The following GABRR1 variants were observed in gnomAD, a reference collection of about 807,000 sequenced individuals.
GABRR1 encodes the protein gamma-aminobutyric acid receptor subunit rho-1.
In GABRR1, 59 loss-of-function variants were observed where a neutral mutation model predicts 55.5. The ratio of observed to expected loss-of-function variants is 1.06; its 90% CI spans 0.86 to 1.32. The LOEUF is 1.32. Among genes scored for constraint, GABRR1 ranks in the 40% most tolerant of loss-of-function variants. GABRR1 has a pLI of 0.00. For missense variants in GABRR1, 602 were observed against 619.1 expected (o/e 0.97, Z 0.29); for synonymous variants, 213 against 226.0 (o/e 0.94, Z 0.51).
At chr6:89,188,873 TC>T (rs775768158) in intron 6 of GABRR1, among the ~76,000 whole-genome samples, 2 of 152,132 alleles carry the variant, frequency 1.3e-5, no homozygotes, top group Non-Finnish European at 2.9e-5. Context: ...CTTCCTGAAA[TC>T]CCTTGTTGTG....
intron 4 of GABRR1, 92 bp downstream of exon 4, chr6:89,199,270 T>C (rs777029761): frequency 6.2e-6 from 7 of 1,127,860 alleles, no homozygotes; most frequent in Non-Finnish European, 8.0e-6. Context: ...AGGGCAGTTG[T>C]GAGACTAAGT....
chr6:89,202,223 A>C (rs1772497805), intron 2 of GABRR1, among the ~76,000 whole-genome samples: 1 of 151,946 alleles, frequency 6.6e-6, no homozygotes, highest in Non-Finnish European at 1.5e-5. Context: ...TGTAGTGAAG[A>C]CTCAGCCTCC....
At chr6:89,230,677 A>T (rs1334830430) in intron 1 of GABRR1, among the ~76,000 whole-genome samples, 1 of 151,490 alleles carries the variant, frequency 6.6e-6, no homozygotes, top group Non-Finnish European at 1.5e-5. Context: ...GCTGTCAGAC[A>T]GGGACATTTA....
At chr6:89,221,826 T>C (rs1410068258), upstream of GABRR1, among the ~76,000 whole-genome samples, 1 of 152,216 alleles carries the variant, frequency 6.6e-6, no homozygotes, top group African/African-American at 2.4e-5. Flanking sequence ...CGAAGAGCCA[T>C]TTTTCAGTTC....
At chr6:89,205,073 T>C (rs1232291740) in intron 1 of GABRR1, among the ~76,000 whole-genome samples, 6 of 152,176 alleles carry the variant, frequency 3.9e-5, no homozygotes, top group Non-Finnish European at 7.3e-5. Flanking sequence ...TGAGTTACCA[T>C]GCTAACTCCT....
intron 6 of GABRR1, among the ~76,000 whole-genome samples, chr6:89,189,738 G>C (rs1772027472): frequency 6.6e-6 from 1 of 151,842 alleles, no homozygotes; most frequent in Admixed American, 6.6e-5. Flanking sequence ...AATTACCCTA[G>C]ACCTAGCTTC....
chr6:89,230,561 C>T (rs1232553401), intron 1 of GABRR1, among the ~76,000 whole-genome samples: 1 of 152,226 alleles, frequency 6.6e-6, no homozygotes, highest in East Asian at 1.9e-4. Flanking sequence ...GGGTGCCTCC[C>T]AGTTAGGCTG....
intron 1 of GABRR1, among the ~76,000 whole-genome samples, chr6:89,209,201 T>G (rs1434980932): frequency 2.0e-5 from 3 of 152,166 alleles, no homozygotes; most frequent in Non-Finnish European, 2.9e-5. Flanking sequence ...TGTACATATA[T>G]GTCTGAATTC....
At chr6:89,226,093 C>T (rs930154258) in intron 1 of GABRR1, among the ~76,000 whole-genome samples, 3 of 152,070 alleles carry the variant, frequency 2.0e-5, no homozygotes, top group Non-Finnish European at 4.4e-5. Context: ...ATGTCCTTCG[C>T]CCAACTTTTG....
intron 7 of GABRR1, 78 bp from the exon 8 acceptor site, chr6:89,182,135 T>G: frequency 1.4e-6 from 2 of 1,403,890 alleles, no homozygotes; most frequent in Non-Finnish European, 2.0e-6. Context: ...AATTGTTAAG[T>G]GCCTTAGACA....
At chr6:89,201,510 T>A (rs111717291) in intron 2 of GABRR1, among the ~76,000 whole-genome samples, 1,820 of 152,328 alleles carry the variant, frequency 0.012, 26 homozygotes, top group Non-Finnish European at 0.015. Flanking sequence ...CCGGGTGCGG[T>A]GGCTCACGCC....
chr6:89,226,431 T>G (rs942888250), intron 1 of GABRR1, among the ~76,000 whole-genome samples: 1 of 149,284 alleles, frequency 6.7e-6, no homozygotes, highest in African/African-American at 2.5e-5. Context: ...CATCTTGAAT[T>G]GATTTTTGTA....
chr6:89,189,920 C>T (rs1463100179), intron 6 of GABRR1, among the ~76,000 whole-genome samples: 1 of 152,106 alleles, frequency 6.6e-6, no homozygotes, highest in Admixed American at 6.6e-5. Flanking sequence ...GTGGCAGGTG[C>T]CTGTAATCCC....
intron 1 of GABRR1, 89 bp downstream of exon 1, chr6:89,217,112 G>A (rs1773009487): frequency 7.0e-7 from 1 of 1,432,998 alleles, no homozygotes; most frequent in South Asian, 1.3e-5. Flanking sequence ...CCATACGCTG[G>A]AAATGATGCT....
chr6:89,204,824 G>T (rs1772593899), intron 1 of GABRR1: 1 of 281,550 alleles, frequency 3.6e-6, no homozygotes. Flanking sequence ...TCATAAAGGA[G>T]AAGATGAATA....
intron 9 of GABRR1, 144 bp from the exon 10 acceptor site, chr6:89,179,207 TTTTG>T: frequency 1.2e-6 from 1 of 850,344 alleles, no homozygotes; most frequent in Non-Finnish European, 1.7e-6. Context: ...TTTGTTTTGT[TTTTG>T]TTTTTGTTTT....
At position 89,198,095 on chromosome 6, in the gene GABRR1, G is replaced by A. The variant is rs1386449598; in HGVS notation, c.497C>T (p.Ser166Phe). 6.2e-7 allele frequency: 1 copy of A among 1,614,008 alleles called. No homozygotes were observed. Among genetic ancestry groups the A allele is most frequent in the Non-Finnish European group, 8.5e-7 (1 of 1,180,026 alleles). ...PDMFFVHSKRSFIHDTTTDNV... is the reference protein window; with the variant it reads ...PDMFFVHSKRFFIHDTTTDNV... ...GTCTGTGGTGGTGTCGTGGATGAAGGAGCGTTTGGAGTGCACGAAAAACAT... is the reference window on the plus strand; with the variant it reads ...GTCTGTGGTGGTGTCGTGGATGAAGAAGCGTTTGGAGTGCACGAAAAACAT... The change falls in exon 5 of 10, where the codon TCC becomes TTC. Residue 166 changes from serine to phenylalanine, a missense_variant. Around this residue, in one of 3 missense-constraint regions of GABRR1, gnomAD observed 435 missense variants for 424.2 expected, o/e 1.03. Transcript: ENST00000454853.
intron 3 of GABRR1, among the ~76,000 whole-genome samples, chr6:89,200,428 T>C (rs1772430762): frequency 6.6e-6 from 1 of 151,968 alleles, no homozygotes; most frequent in South Asian, 2.1e-4. Context: ...TTTGTATTTT[T>C]AGTAGAGACA....
chr6:89,179,934 C>T (rs949841785), intron 9 of GABRR1, among the ~76,000 whole-genome samples: 1 of 152,078 alleles, frequency 6.6e-6, no homozygotes, highest in African/African-American at 2.4e-5. Context: ...TTTTATTACA[C>T]CCTTATGTTC....
Sources: gnomAD v4.1 joint callset for allele counts (sites outside exome capture counted in the v4.1 genomes callset) on GRCh38, gnomAD v4.1.1 for gene constraint, gnomAD v4.1.1 regional missense constraint, MANE v1.5 for transcripts, NCBI Gene and HGNC (gene_info 2026-07-23, HGNC 2026-07-21) for gene names.